MARCHF1: variants seen among roughly 807,000 people sequenced by gnomAD.
The protein encoded by MARCHF1 is membrane associated ring-CH-type finger 1, also known as E3 ubiquitin-protein ligase MARCHF1.
Under a neutral mutation model 54.2 loss-of-function variants are expected in MARCHF1, and 40 were observed. The ratio of observed to expected loss-of-function variants is 0.74; its 90% CI spans 0.57 to 0.96. The LOEUF (loss-of-function observed/expected upper bound fraction) is 0.96. Among genes scored for constraint, MARCHF1 ranks in the 40% least tolerant of loss-of-function variants. The probability of loss-of-function intolerance (pLI) is 0.00; values close to 1 mark genes in which losing one functional copy is unlikely to be tolerated. For missense variants in MARCHF1, 586 were observed against 656.5 expected (o/e 0.89, Z 1.17); for synonymous variants, 236 against 236.3 (o/e 1.00, Z 0.01).
At chr4:163,781,578 C>T (rs1747467635) in intron 4 of MARCHF1, among the ~76,000 whole-genome samples, 1 of 151,890 alleles carries the variant, frequency 6.6e-6, no homozygotes, top group Non-Finnish European at 1.5e-5. Context: ...AGCTAATGGC[C>T]AAGAAATTAA....
chr4:164,096,616 A>G (rs1755419247), intron 2 of MARCHF1, among the ~76,000 whole-genome samples: 1 of 152,080 alleles, frequency 6.6e-6, no homozygotes. Context: ...TTCTCTTTGT[A>G]AGGAATATGT....
chr4:164,306,947 A>C (rs1380698938), intron 1 of MARCHF1, among the ~76,000 whole-genome samples: 2 of 152,210 alleles, frequency 1.3e-5, no homozygotes, highest in Admixed American at 6.5e-5. Context: ...TATTACATGC[A>C]TATTTTCTAT....
intron 3 of MARCHF1, among the ~76,000 whole-genome samples, chr4:163,928,738 A>T (rs1341422092): frequency 6.6e-6 from 1 of 152,038 alleles, no homozygotes; most frequent in African/African-American, 2.4e-5. Flanking sequence ...GTAAAGTAAC[A>T]ATCAAGGAAA....
chr4:164,072,761 A>G (rs1283451738), intron 2 of MARCHF1, among the ~76,000 whole-genome samples: 1 of 151,970 alleles, frequency 6.6e-6, no homozygotes, highest in African/African-American at 2.4e-5. Flanking sequence ...TTTCATAGGA[A>G]AACACTGATG....
chr4:164,144,235 C>G (rs975883648), intron 1 of MARCHF1, among the ~76,000 whole-genome samples: 1 of 151,208 alleles, frequency 6.6e-6, no homozygotes, highest in Non-Finnish European at 1.5e-5. Flanking sequence ...GACTTTAACA[C>G]CCCACTGTCA....
chr4:163,660,721 C>T (rs1449095171), intron 5 of MARCHF1, among the ~76,000 whole-genome samples: 1 of 152,016 alleles, frequency 6.6e-6, no homozygotes, highest in Non-Finnish European at 1.5e-5. Flanking sequence ...TTCTGCCAGA[C>T]TTAATCACAG....
chr4:164,011,934 A>G (rs1328394114), intron 2 of MARCHF1, among the ~76,000 whole-genome samples: 2 of 152,094 alleles, frequency 1.3e-5, no homozygotes, highest in African/African-American at 4.8e-5. Flanking sequence ...AGTGTGGAGC[A>G]CTATATTGGA....
intron 1 of MARCHF1, among the ~76,000 whole-genome samples, chr4:164,303,906 T>C (rs937161652): frequency 1.3e-5 from 2 of 152,234 alleles, no homozygotes; most frequent in African/African-American, 4.8e-5. Context: ...CTATGGGCAT[T>C]ATTGGGTAAT....
chr4:163,525,656 T>TAAAG lies in MARCHF1; in HGVS notation c.*3088_*3091dup, dbSNP rs1404713021. On this transcript the variant is annotated 3_prime_UTR_variant, in exon 10 of 10. Transcript: ENST00000514618. ...GTTTAATACTGAAGATTCATGATTATAAAGAGCCAAGGTTTTTAACACAAC... is the reference window on the plus strand; with the variant it reads ...GTTTAATACTGAAGATTCATGATTATAAAGAAAGAGCCAAGGTTTTTAACACAAC... The TAAAG allele has an allele frequency of 8.0e-5, 12 of 149,964 alleles. No individual in the cohort carries two copies. The East Asian group carries it at 1.6e-3, about 19-fold the overall frequency. The allele number at this position is 149,964 out of a possible 1,614,324, so 9.3% of individuals were successfully genotyped here.
At chr4:164,170,636 C>G (rs11724039) in intron 1 of MARCHF1, among the ~76,000 whole-genome samples, 12,050 of 152,058 alleles carry the variant, frequency 0.079, 698 homozygotes, top group Non-Finnish European at 0.12. Context: ...AAATTCTTGA[C>G]CATAGTGAGA....
At chr4:164,323,649 C>A (rs1015154313) in intron 1 of MARCHF1, among the ~76,000 whole-genome samples, 1 of 110,394 alleles carries the variant, frequency 9.1e-6, no homozygotes. Flanking sequence ...AGAACAGGGA[C>A]ACATCATTTA....
At chr4:164,289,583 TG>T (rs1358757423) in intron 1 of MARCHF1, among the ~76,000 whole-genome samples, 1 of 53,658 alleles carries the variant, frequency 1.9e-5, no homozygotes, top group African/African-American at 7.4e-5. Context: ...AATACTTAGA[TG>T]GAAAAAAAAA....
intron 4 of MARCHF1, among the ~76,000 whole-genome samples, chr4:163,792,771 A>G (rs1038315342): frequency 6.6e-6 from 1 of 152,184 alleles, no homozygotes; most frequent in African/African-American, 2.4e-5. Flanking sequence ...ACTTACTTGT[A>G]TTTCACAAGG....
intron 3 of MARCHF1, among the ~76,000 whole-genome samples, chr4:163,899,763 T>TACACACACACACACACAC (rs70948674): frequency 8.1e-5 from 12 of 148,752 alleles, no homozygotes; most frequent in African/African-American, 2.7e-4. Context: ...TCTCACCCAC[T>TACACACACACACACACAC]ACACACACAC....
chr4:163,796,743 T>C (rs1306425750), intron 4 of MARCHF1, among the ~76,000 whole-genome samples: 1 of 152,156 alleles, frequency 6.6e-6, no homozygotes, highest in African/African-American at 2.4e-5. Context: ...TTTCCCACTA[T>C]TTTGGTAATT....
intron 5 of MARCHF1, among the ~76,000 whole-genome samples, chr4:163,625,542 G>A (rs1258185253): frequency 3.9e-5 from 6 of 152,174 alleles, no homozygotes; most frequent in Admixed American, 3.9e-4. Flanking sequence ...ACTGACCTGG[G>A]TAAATCCTAT....
chr4:164,269,160 G>A (rs997087477), intron 1 of MARCHF1, among the ~76,000 whole-genome samples: 3 of 152,070 alleles, frequency 2.0e-5, no homozygotes, highest in Admixed American at 6.6e-5. Flanking sequence ...AAGTGGAGCC[G>A]GGTCATGAAA....
At chr4:163,533,886 C>G (rs955597176) in intron 9 of MARCHF1, among the ~76,000 whole-genome samples, 1 of 151,606 alleles carries the variant, frequency 6.6e-6, no homozygotes, top group Admixed American at 6.6e-5. Context: ...TTTAGCCATG[C>G]CCAATGGAGT....
At position 164,171,870 on chromosome 4, in the gene MARCHF1, A is replaced by G. The variant is rs117722694; in HGVS notation, c.-322-60208T>C. Among the ~76,000 whole-genome samples the G allele has an allele frequency of 4.9e-4, 75 of 152,308 alleles. No individual in the cohort carries two copies. In the East Asian group the frequency reaches 0.01, roughly 21 times the overall value. On this transcript the variant is annotated intron_variant, in intron 1 of 9. Coordinates refer to ENST00000514618, the MANE Select transcript of MARCHF1 (RefSeq NM_001394959.1). Reference sequence around the variant, plus strand: ...AAACAATAGTAATACAGGAAATCCAATATTTCTTTCATTTTTCAATTATTC... The same window carrying G: ...AAACAATAGTAATACAGGAAATCCAGTATTTCTTTCATTTTTCAATTATTC...
Sources: allele counts gnomAD v4.1 joint callset (sites outside exome capture counted in the v4.1 genomes callset), GRCh38; gene constraint gnomAD v4.1.1; transcripts MANE v1.5; gene names NCBI Gene and HGNC (gene_info 2026-07-23, HGNC 2026-07-21).